Variants in THSD7A observed in about 807,000 individuals in gnomAD.
THSD7A encodes the protein thrombospondin type-1 domain-containing protein 7A.
In THSD7A, 96 loss-of-function variants were observed where a neutral mutation model predicts 231.3. The observed-to-expected ratio is 0.41, with a 90% CI of 0.35 to 0.49. The LOEUF is 0.49. THSD7A is among the 20% of genes least tolerant of loss of function. THSD7A has a pLI of 0.05. For synonymous variants in THSD7A, 940 were observed against 743.3 expected (o/e 1.26, Z -4.30); for missense variants, 2,290 against 2,070.2 (o/e 1.11, Z -2.06).
chr7:11,562,446 C>G (rs895718095), intron 4 of THSD7A, among the ~76,000 whole-genome samples: 1 of 152,112 alleles, frequency 6.6e-6, no homozygotes, highest in African/African-American at 2.4e-5. Context: ...AGCAAAACAG[C>G]TGAGCATTTC....
At chr7:11,453,683 G>A (rs1227267240) in intron 11 of THSD7A, among the ~76,000 whole-genome samples, 1 of 151,964 alleles carries the variant, frequency 6.6e-6, no homozygotes, top group Non-Finnish European at 1.5e-5. Context: ...GATTGAGCAA[G>A]AGAAAATTTA....
chr7:11,521,267 G>C (rs1205256549), intron 6 of THSD7A, among the ~76,000 whole-genome samples: 2 of 151,892 alleles, frequency 1.3e-5, no homozygotes, highest in African/African-American at 4.8e-5. Flanking sequence ...TGTCATCTAG[G>C]TTACCTTTCA....
At chr7:11,665,457 T>C (rs1783095209) in intron 1 of THSD7A, among the ~76,000 whole-genome samples, 1 of 152,108 alleles carries the variant, frequency 6.6e-6, no homozygotes, top group African/African-American at 2.4e-5. Context: ...GTGTCCTTAA[T>C]TGAACCTCAC....
intron 2 of THSD7A, among the ~76,000 whole-genome samples, chr7:11,597,897 G>A (rs1025548865): frequency 1.3e-5 from 2 of 152,174 alleles, no homozygotes; most frequent in African/African-American, 4.8e-5. Context: ...CTGCCACCCT[G>A]CCTTCTCTTC....
chr7:11,709,976 A>G (rs1270854867), intron 1 of THSD7A, among the ~76,000 whole-genome samples: 1 of 150,904 alleles, frequency 6.6e-6, no homozygotes, highest in Non-Finnish European at 1.5e-5. Flanking sequence ...GTTGGATCAA[A>G]TGTATGGCTA....
chr7:11,553,607 TTC>T (rs1554336496), intron 4 of THSD7A, among the ~76,000 whole-genome samples: 1 of 152,080 alleles, frequency 6.6e-6, no homozygotes, highest in Non-Finnish European at 1.5e-5. Context: ...TTAAGAAGAC[TTC>T]TTTTTGATTT....
intron 2 of THSD7A, among the ~76,000 whole-genome samples, chr7:11,613,533 A>G (rs1444494948): frequency 1.3e-5 from 2 of 152,178 alleles, no homozygotes; most frequent in African/African-American, 2.4e-5. Flanking sequence ...TCTCACTCCT[A>G]TGAACGTCAG....
At position 11,553,896 on chromosome 7, in the gene THSD7A, T is replaced by TG. The variant is rs1354303652; in HGVS notation, c.1454-10780dup. On this transcript the variant is annotated intron_variant, in intron 4 of 27. Coordinates refer to ENST00000423059, the MANE Select transcript of THSD7A (RefSeq NM_015204.3). ...CTTCTTTTTCTATCAAGATGGCCAATGAAGTATTCTGAAGATACACATACT... is the reference window on the plus strand; with the variant it reads ...CTTCTTTTTCTATCAAGATGGCCAATGGAAGTATTCTGAAGATACACATACT... Among the ~76,000 whole-genome samples the TG allele has an allele frequency of 6.6e-5, 10 of 152,058 alleles. No individual in the cohort carries two copies. In the South Asian group the frequency reaches 8.3e-4, roughly 13 times the overall value.
At chr7:11,725,794 C>T (rs10231490) in intron 1 of THSD7A, among the ~76,000 whole-genome samples, 40,059 of 151,578 alleles carry the variant, frequency 0.26, 5,328 homozygotes, top group East Asian at 0.32. Context: ...CTGAACCAAA[C>T]TGTAGATTCA....
At chr7:11,434,568 C>G (rs1784573655) in intron 13 of THSD7A, among the ~76,000 whole-genome samples, 1 of 152,090 alleles carries the variant, frequency 6.6e-6, no homozygotes, top group South Asian at 2.1e-4. Context: ...ATAGAAAATA[C>G]TGGTTGCTTC....
chr7:11,373,621 C>A lies in THSD7A; in HGVS notation c.*2173G>T, dbSNP rs1026445163. The A allele has an allele frequency of 5.9e-5, 9 of 151,854 alleles. No individual in the cohort carries two copies. Among genetic ancestry groups the A allele is most frequent in the Non-Finnish European group, 2.9e-5 (2 of 67,944 alleles). The allele number at this position is 151,854 out of a possible 1,614,324, so 9.4% of individuals were successfully genotyped here. On this transcript the variant is annotated 3_prime_UTR_variant, in exon 28 of 28. Transcript: ENST00000423059. The stretch of plus-strand genomic sequence containing the variant: ...TAGTGAATATTGAATGAGGAATTAG[C>A]GCTTACTGCATTTAGTTCTTATTGA...
intron 23 of THSD7A, among the ~76,000 whole-genome samples, chr7:11,389,746 G>C (rs903443377): frequency 3.9e-5 from 6 of 152,078 alleles, no homozygotes; most frequent in Admixed American, 3.9e-4. Flanking sequence ...TTACGTTTGT[G>C]GTACCAGTTG....
chr7:11,594,876 TTAAAGTGAGG>T (rs1469890583), intron 2 of THSD7A, among the ~76,000 whole-genome samples: 9 of 152,310 alleles, frequency 5.9e-5, no homozygotes, highest in Non-Finnish European at 7.3e-5. Flanking sequence ...GTGTCTACTG[TTAAAGTGAGG>T]GCATTGATTG....
chr7:11,641,144 T>C (rs1782063949), intron 1 of THSD7A, among the ~76,000 whole-genome samples: 1 of 152,164 alleles, frequency 6.6e-6, no homozygotes, highest in Admixed American at 6.6e-5. Flanking sequence ...TTGATGTTCC[T>C]CATTGAATAC....
At chr7:11,583,072 A>AT (rs201292233) in intron 4 of THSD7A, among the ~76,000 whole-genome samples, 53 of 150,966 alleles carry the variant, frequency 3.5e-4, no homozygotes, top group African/African-American at 1.2e-3. Flanking sequence ...TTATTTCCTT[A>AT]TTTTTTTTGT....
In THSD7A at chr7:11,728,538, C is replaced by A. The variant is rs2030865; in HGVS notation, c.191-91577G>T. On this transcript the variant is annotated intron_variant, in intron 1 of 27. Transcript: ENST00000423059. ...GATTCATTTTTTCCTGGTAAAAACT[C>A]TCTTTATGCCATATTATGGGGTAGA... Among the ~76,000 whole-genome samples, 5 of 151,692 alleles carry A rather than the reference C, an allele frequency of 3.3e-5. 1 individual carries two copies. The highest frequency in any genetic ancestry group is 1.2e-4 in the African/African-American group (5 of 41,338).
chr7:11,634,208 A>G lies in THSD7A; in HGVS notation c.1022+1922T>C, dbSNP rs1300525512. ...AATAAGTCAGAAAATATATGCAACTATCAATTTATTGGAAGTTATATATGC... is the reference window on the plus strand; with the variant it reads ...AATAAGTCAGAAAATATATGCAACTGTCAATTTATTGGAAGTTATATATGC... On this transcript the variant is annotated intron_variant, in intron 2 of 27. Coordinates refer to ENST00000423059, the MANE Select transcript of THSD7A (RefSeq NM_015204.3). The surrounding 1 kb of genome is among the most constrained non-coding windows in gnomAD (Gnocchi z 4.1). 1.3e-5 allele frequency among the ~76,000 whole-genome samples: 2 copies of G among 152,202 alleles called. No individual in the cohort carries two copies. The highest frequency in any genetic ancestry group is 2.4e-5 in the African/African-American group (1 of 41,466).
chr7:11,747,080 T>A (rs1037031573), intron 1 of THSD7A, among the ~76,000 whole-genome samples: 2 of 152,056 alleles, frequency 1.3e-5, no homozygotes, highest in Admixed American at 1.3e-4. Context: ...AAGACATGTA[T>A]TTTCACCTTT....
chr7:11,827,817 A>G (rs1785075466), intron 1 of THSD7A, among the ~76,000 whole-genome samples: 1 of 152,194 alleles, frequency 6.6e-6, no homozygotes, highest in Non-Finnish European at 1.5e-5. Context: ...TCTGAATTAA[A>G]TTGATATTCT....
Sources: allele counts gnomAD v4.1 joint callset (sites outside exome capture counted in the v4.1 genomes callset), GRCh38; gene constraint gnomAD v4.1.1; non-coding constraint Gnocchi (gnomAD v3.1); transcripts MANE v1.5; gene names NCBI Gene and HGNC (gene_info 2026-07-23, HGNC 2026-07-21).